XKRX: variants seen among roughly 807,000 people sequenced by gnomAD.
The protein encoded by XKRX is XK related X-linked, also known as XK-related protein 2.
In XKRX, 11 loss-of-function variants were observed where a neutral mutation model predicts 22.4. That is an observed-to-expected ratio of 0.49 (90% confidence interval 0.31 to 0.81). The LOEUF (loss-of-function observed/expected upper bound fraction) is 0.81. XKRX is among the 40% of genes least tolerant of loss of function. The pLI is 0.05. For missense variants in XKRX, 320 were observed against 336.5 expected, an observed-to-expected ratio of 0.95 and a Z score of 0.38; for synonymous variants, 114 against 132.2, an observed-to-expected ratio of 0.86 and a Z score of 0.94.
the XKRX span, among the ~76,000 whole-genome samples, chrX:100,901,803 T>C: frequency 9.0e-6 from 1 of 110,799 alleles, no homozygotes; most frequent in Non-Finnish European, 1.9e-5. Flanking sequence ...AGTTCAAGAC[T>C]AGCCGGACCA....
In XKRX at chrX:100,916,281, T is replaced by G. The variant is rs745843043; in HGVS notation, c.605-1198A>C. Among the ~76,000 whole-genome samples the G allele has an allele frequency of 7.1e-5, 8 of 112,066 alleles. No homozygotes were observed. The Admixed American group carries it at 7.5e-4, about 11-fold the overall frequency. Reference sequence around the variant, plus strand: ...AAAAAATGAACCAAAATATCTTTTTTTGTGTGTGATAGTCTTATATCAGTT... The same window carrying G: ...AAAAAATGAACCAAAATATCTTTTTGTGTGTGTGATAGTCTTATATCAGTT... On this transcript the variant is annotated intron_variant, in intron 2 of 2. Coordinates refer to ENST00000372956, the MANE Select transcript of XKRX (RefSeq NM_212559.3).
the XKRX span, among the ~76,000 whole-genome samples, chrX:100,952,434 C>T: frequency 1.9e-3 from 211 of 109,641 alleles, no homozygotes; most frequent in African/African-American, 6.6e-3. Context: ...ATGCTTTCTC[C>T]AAAGATCAGA....
chrX:100,902,201 A>G, the XKRX span, among the ~76,000 whole-genome samples: 1 of 112,115 alleles, frequency 8.9e-6, no homozygotes, highest in South Asian at 3.7e-4. Flanking sequence ...GAATAAGTCT[A>G]GAAATTAAAA....
the XKRX span, chrX:100,888,261 C>T: frequency 1.3e-6 from 1 of 762,262 alleles, no homozygotes; most frequent in Non-Finnish European, 2.0e-6. Context: ...TCTTTAATGC[C>T]ACCAACAAAT....
intron 2 of XKRX, among the ~76,000 whole-genome samples, chrX:100,917,669 G>GAA (rs1322196534): frequency 2.4e-4 from 10 of 42,151 alleles, no homozygotes; most frequent in South Asian, 1.5e-3. Context: ...AAGAAAGAAA[G>GAA]AAAGAAAAGA....
upstream of XKRX, among the ~76,000 whole-genome samples, chrX:100,930,325 A>AATAATGATG (rs1556209253): frequency 2.3e-3 from 242 of 103,182 alleles, 1 homozygote; most frequent in African/African-American, 7.8e-3. Context: ...TAATAATAAT[A>AATAATGATG]ATGATGATTA....
At chrX:100,937,901 AG>A in the XKRX span, among the ~76,000 whole-genome samples, 1 of 111,569 alleles carries the variant, frequency 9.0e-6, no homozygotes, top group Non-Finnish European at 1.9e-5. Flanking sequence ...TGCCAAGAGA[AG>A]AAAAGGACTC....
At chrX:100,893,232 A>G in the XKRX span, among the ~76,000 whole-genome samples, 2 of 112,065 alleles carry the variant, frequency 1.8e-5, no homozygotes, top group Non-Finnish European at 3.8e-5. Flanking sequence ...AGGATGAATC[A>G]GTTCTGGAGA....
At chrX:100,956,893 G>A in the XKRX span, 9 of 929,573 alleles carry the variant, frequency 9.7e-6, no homozygotes, top group Admixed American at 2.2e-4. Flanking sequence ...TGTCACAAGT[G>A]AGTCTAATTT....
intron 2 of XKRX, among the ~76,000 whole-genome samples, chrX:100,916,997 T>C (rs941940931): frequency 5.4e-5 from 6 of 111,880 alleles, no homozygotes; most frequent in Admixed American, 9.5e-5. Context: ...CGTGCACCTG[T>C]ATTCCCAGCT....
the XKRX span, among the ~76,000 whole-genome samples, chrX:100,945,806 CAAA>C: frequency 0.079 from 2,505 of 31,708 alleles, 107 homozygotes; most frequent in African/African-American, 0.24. Flanking sequence ...ATTCTGTCTC[CAAA>C]AAAAAAAAAA....
chrX:100,928,176 C>T lies in XKRX; in HGVS notation c.129G>A (p.Leu43=), dbSNP rs2085506111. 13 of 1,211,660 alleles carry T rather than the reference C, an allele frequency of 1.1e-5. No homozygotes were observed. The highest frequency in any genetic ancestry group is 1.5e-5 in the Non-Finnish European group (13 of 895,493). ...AAGCAGATGCAGCCTCCCCACAGTA[C>T]AAAAAGGTGGAGAAAAGGATGCTAA... is the stretch of plus-strand genomic sequence containing the variant. ...FPFSILFSTF[L]YCGEAASALY... is the part of the protein sequence containing the mutation. Residue 43 remains leucine, a synonymous_variant, in exon 1 of 3, where the codon TTG becomes TTA. Transcript: ENST00000372956.
In XKRX at chrX:100,928,219, G is replaced by A. The variant is rs746118293; in HGVS notation, c.86C>T (p.Pro29Leu). The A allele has an allele frequency of 1.4e-5, 17 of 1,211,830 alleles. No homozygotes were observed. Among genetic ancestry groups the A allele is most frequent in the Admixed American group, 2.2e-5 (1 of 46,028 alleles). Residue 29 changes from proline (P) to leucine (L), a missense_variant, in exon 1 of 3, where the codon CCC (proline) becomes CTC (leucine). By Grantham distance (98) the Pro-to-Leu change is moderately conservative. Transcript: ENST00000372956. ...GATGCTAAATGGAAAAGTAAATCGG[G>A]GGTTGGCTCCACGGATGACATCTTC... is the stretch of plus-strand genomic sequence containing the variant. The part of the protein sequence containing the change: ...LEEDVIRGAN[P>L]RFTFPFSILF...
At chrX:100,913,164 C>T (rs1475484918), downstream of XKRX, among the ~76,000 whole-genome samples, 1 of 106,576 alleles carries the variant, frequency 9.4e-6, no homozygotes, top group African/African-American at 3.5e-5. Context: ...CACCACTGCA[C>T]TTCAGCCTAG....
At chrX:100,900,859 G>A in the XKRX span, among the ~76,000 whole-genome samples, 9 of 100,322 alleles carry the variant, frequency 9.0e-5, no homozygotes, top group Non-Finnish European at 1.8e-4. Flanking sequence ...TCACGATCTC[G>A]GCTCACTGCA....
At chrX:100,893,462 A>G in the XKRX span, among the ~76,000 whole-genome samples, 1 of 111,818 alleles carries the variant, frequency 8.9e-6, no homozygotes, top group East Asian at 2.8e-4. Context: ...CCACTACTGT[A>G]TATCTATCCA....
chrX:100,928,484 G>A lies in XKRX; in HGVS notation c.-180C>T, dbSNP rs2085508072. Reference sequence around the variant, plus strand: ...ACCGCTCTCTTCTAGACTCAGATTCGACTTGGAGTCTGGGATGGAAAGCCC... The same window carrying A: ...ACCGCTCTCTTCTAGACTCAGATTCAACTTGGAGTCTGGGATGGAAAGCCC... On this transcript the variant is annotated 5_prime_UTR_variant, in exon 1 of 3. It introduces an in-frame stop codon into an upstream open reading frame of the 5' UTR. Transcript: ENST00000372956. 9.1e-7 allele frequency: 1 copy of A among 1,093,416 alleles called. No homozygotes were observed. Among genetic ancestry groups the A allele is most frequent in the Non-Finnish European group, 1.2e-6 (1 of 842,223 alleles). 90.1% of individuals were successfully genotyped at this position (1,093,416 alleles called of 1,213,427 possible).
At chrX:100,902,314 T>A in the XKRX span, among the ~76,000 whole-genome samples, 1 of 111,724 alleles carries the variant, frequency 9.0e-6, no homozygotes, top group African/African-American at 3.2e-5. Context: ...TATGCATATA[T>A]TAGAAATGAA....
intron 1 of XKRX, among the ~76,000 whole-genome samples, chrX:100,925,325 C>T (rs2085493486): frequency 8.9e-6 from 1 of 111,929 alleles, no homozygotes; most frequent in Non-Finnish European, 1.9e-5. Context: ...TGTAAGGCAC[C>T]CAGACTCTAC....
Sources: allele counts gnomAD v4.1 joint callset (sites outside exome capture counted in the v4.1 genomes callset), GRCh38; gene constraint gnomAD v4.1.1; transcripts MANE v1.5; gene names NCBI Gene and HGNC (gene_info 2026-07-23, HGNC 2026-07-21).